Variants in ARHGEF9 observed in about 807,000 individuals in gnomAD.
ARHGEF9 encodes the protein Cdc42 guanine nucleotide exchange factor 9.
Under a neutral mutation model 41.3 loss-of-function variants are expected in ARHGEF9, and 2 were observed. That is an observed-to-expected ratio of 0.05 (90% CI 0.02 to 0.15). The LOEUF (loss-of-function observed/expected upper bound fraction) is 0.15, where lower values mean the gene tolerates loss of function less well. Ranked by LOEUF, ARHGEF9 falls within the 10% of genes least tolerant of loss-of-function variation. The pLI is 1.00. For synonymous variants in ARHGEF9, 160 were observed against 154.4 expected (o/e 1.04, Z -0.27); for missense variants, 225 against 424.7 (o/e 0.53, Z 4.13).
intron 5 of ARHGEF9, among the ~76,000 whole-genome samples, chrX:63,674,593 G>A (rs1556359878): frequency 8.9e-6 from 1 of 111,834 alleles, no homozygotes; most frequent in African/African-American, 3.3e-5. Flanking sequence ...CCTCTTTGTT[G>A]TGCTTATCTG....
chrX:63,690,451 C>T (rs2051264904), intron 4 of ARHGEF9, among the ~76,000 whole-genome samples: 1 of 111,088 alleles, frequency 9.0e-6, no homozygotes, highest in Non-Finnish European at 1.9e-5. Context: ...AATAGAAAAC[C>T]TGAACAAACC....
chrX:63,722,641 CTATT>C (rs1352358648), intron 2 of ARHGEF9: 1 of 111,249 alleles, frequency 9.0e-6, no homozygotes, highest in Admixed American at 9.5e-5. Flanking sequence ...CTTGGATTTA[CTATT>C]TATTATAAAA....
intron 1 of ARHGEF9, among the ~76,000 whole-genome samples, chrX:63,765,014 A>G (rs2056091380): frequency 8.9e-6 from 1 of 111,928 alleles, no homozygotes; most frequent in African/African-American, 3.2e-5. Context: ...TAGTAGAAAA[A>G]GGTGAGGTAC....
chrX:63,737,571 G>C (rs1363800257), intron 1 of ARHGEF9, among the ~76,000 whole-genome samples: 1 of 112,212 alleles, frequency 8.9e-6, no homozygotes, highest in Admixed American at 9.4e-5. Flanking sequence ...ACCAGTACAG[G>C]GATGGCTTTT....
At chrX:63,726,136 T>C (rs1372972454) in intron 1 of ARHGEF9, among the ~76,000 whole-genome samples, 1 of 112,161 alleles carries the variant, frequency 8.9e-6, no homozygotes, top group East Asian at 2.8e-4. Context: ...GGCTCAGGAT[T>C]CATCTTTGTG....
chrX:63,772,814 C>T (rs782145427), intron 1 of ARHGEF9, among the ~76,000 whole-genome samples: 68 of 111,696 alleles, frequency 6.1e-4, no homozygotes, highest in Non-Finnish European at 1.1e-3. Context: ...GTGTCAGTAA[C>T]ACTAGCCTTC....
Position 63,637,989 on chromosome X carries a change from A to G in ARHGEF9, c.*39T>C. 4 of 1,133,490 alleles carry G rather than the reference A, an allele frequency of 3.5e-6. No homozygotes were observed. The highest frequency in any genetic ancestry group is 2.1e-5 in the South Asian group (1 of 48,688). The allele number at this position is 1,133,490 out of a possible 1,213,427, so 93.4% of individuals were successfully genotyped here. On this transcript the variant is annotated 3_prime_UTR_variant, in exon 10 of 10. Transcript: ENST00000671741. ...AAGGTCCATCTATAAATATAATTTT[A>G]TTTACTTTATTTTAAAATTATCTGC...
intron 5 of ARHGEF9, among the ~76,000 whole-genome samples, chrX:63,676,898 A>G (rs1305047975): frequency 7.1e-5 from 8 of 112,545 alleles, no homozygotes; most frequent in African/African-American, 2.6e-4. Flanking sequence ...TACTATATTG[A>G]ATAACACAAA....
In ARHGEF9 at chrX:63,635,488, T is replaced by C. The variant is rs1475805181; in HGVS notation, c.*2540A>G. 6.0e-6 allele frequency: 3 copies of C among 497,748 alleles called. No individual in the cohort carries two copies. The East Asian group carries it at 1.1e-4, about 19-fold the overall frequency. The allele number at this position is 497,748 out of a possible 1,213,427, so 41.0% of individuals were successfully genotyped here. On this transcript the variant is annotated 3_prime_UTR_variant, in exon 10 of 10. Transcript: ENST00000671741. ...GTCAGGACATAACAGGTTAGGATAC[T>C]GAACCCAGGTATTTAATTGGGCTCC... is the stretch of plus-strand genomic sequence containing the variant.
intron 1 of ARHGEF9, among the ~76,000 whole-genome samples, chrX:63,771,933 C>G: frequency 9.0e-6 from 1 of 111,677 alleles, no homozygotes; most frequent in South Asian, 3.8e-4. Flanking sequence ...AGCAGACTGC[C>G]TTTGGACTCT....
intron 2 of ARHGEF9, among the ~76,000 whole-genome samples, chrX:63,712,238 A>G (rs1209515907): frequency 1.8e-5 from 2 of 112,184 alleles, no homozygotes. Flanking sequence ...TTAAGCATAT[A>G]GTTACCATAT....
intron 6 of ARHGEF9, among the ~76,000 whole-genome samples, chrX:63,666,872 G>C (rs1454756762): frequency 8.9e-6 from 1 of 111,873 alleles, no homozygotes; most frequent in Non-Finnish European, 1.9e-5. Context: ...CAATTCTACA[G>C]AGTTTCCAAG....
intron 1 of ARHGEF9, among the ~76,000 whole-genome samples, chrX:63,734,625 C>T (rs1489458740): frequency 8.9e-6 from 1 of 111,854 alleles, no homozygotes; most frequent in African/African-American, 3.2e-5. Flanking sequence ...GGAACTCCAA[C>T]TCTAGGCTTA....
intron 8 of ARHGEF9, among the ~76,000 whole-genome samples, chrX:63,647,139 A>G (rs1284070461): frequency 1.2e-4 from 13 of 111,547 alleles, no homozygotes; most frequent in African/African-American, 3.9e-4. Context: ...GCCTGAGACG[A>G]TGGGGTTTTC....
chrX:63,730,056 GTCTGAGA>G (rs1293634154), intron 1 of ARHGEF9, among the ~76,000 whole-genome samples: 1 of 111,683 alleles, frequency 9.0e-6, no homozygotes, highest in Non-Finnish European at 1.9e-5. Context: ...GGCACTGGGA[GTCTGAGA>G]TCTAAGGCTG....
intron 2 of ARHGEF9, among the ~76,000 whole-genome samples, chrX:63,715,635 G>A (rs1247877789): frequency 1.8e-5 from 2 of 111,747 alleles, no homozygotes; most frequent in African/African-American, 3.3e-5. Flanking sequence ...GGCTTTTCCC[G>A]CAACATCTGT....
At chrX:63,665,775 TCCC>T in intron 7 of ARHGEF9, 108 bp downstream of exon 7, 1 of 980,546 alleles carries the variant, frequency 1.0e-6, no homozygotes, top group South Asian at 2.1e-5. Flanking sequence ...CTGTCTGTTT[TCCC>T]CCCATCAGTA....
At chrX:63,729,024 G>T (rs2147650621) in intron 1 of ARHGEF9, among the ~76,000 whole-genome samples, 1 of 111,788 alleles carries the variant, frequency 8.9e-6, no homozygotes, top group East Asian at 2.8e-4. Flanking sequence ...CATGTTTGAA[G>T]GACCTTGAAT....
chrX:63,722,986 A>G (rs2053728202), intron 2 of ARHGEF9: 1 of 111,754 alleles, frequency 8.9e-6, no homozygotes, highest in Admixed American at 9.4e-5. Flanking sequence ...CTCTGCTTCT[A>G]GGCAGTGCCC....
Sources: allele counts gnomAD v4.1 joint callset (sites outside exome capture counted in the v4.1 genomes callset), GRCh38; gene constraint gnomAD v4.1.1; transcripts MANE v1.5; gene names NCBI Gene and HGNC (gene_info 2026-07-23, HGNC 2026-07-21).